The following L3MBTL4 variants were observed in gnomAD, a reference collection of about 807,000 sequenced individuals.
The protein encoded by L3MBTL4 is L3MBTL histone methyl-lysine binding protein 4, also known as lethal(3)malignant brain tumor-like protein 4.
In L3MBTL4, 70 loss-of-function variants were observed where a neutral mutation model predicts 84.5. The ratio of observed to expected loss-of-function variants is 0.83; its 90% CI spans 0.68 to 1.01. The LOEUF is 1.01. L3MBTL4 is among the 50% of genes least tolerant of loss of function. L3MBTL4 has a pLI of 0.00. For synonymous variants in L3MBTL4, 274 were observed against 259.8 expected, an observed-to-expected ratio of 1.05 and a Z score of -0.52; for missense variants, 715 against 754.8, an observed-to-expected ratio of 0.95 and a Z score of 0.62.
intron 16 of L3MBTL4, among the ~76,000 whole-genome samples, chr18:6,054,908 A>G (rs1450193823): frequency 6.6e-6 from 1 of 152,198 alleles, no homozygotes; most frequent in Non-Finnish European, 1.5e-5. Context: ...CTTTCCCTGA[A>G]GCTCAGCTTC....
chr18:6,351,563 T>TA (rs1227373080), intron 1 of L3MBTL4, among the ~76,000 whole-genome samples: 1 of 152,078 alleles, frequency 6.6e-6, no homozygotes, highest in Non-Finnish European at 1.5e-5. Context: ...TTTTTATTTT[T>TA]TTTTTTGAGA....
chr18:6,239,638 G>T, intron 9 of L3MBTL4, 80 bp downstream of exon 9: 2 of 1,416,364 alleles, frequency 1.4e-6, no homozygotes, highest in Non-Finnish European at 2.0e-6. Context: ...AGCAAAAACA[G>T]CAACAGTGCT....
intron 1 of L3MBTL4, among the ~76,000 whole-genome samples, chr18:6,383,430 C>A (rs1283184874): frequency 6.6e-6 from 1 of 152,134 alleles, no homozygotes; most frequent in Admixed American, 6.5e-5. Context: ...AAACTCAGGG[C>A]CCTGGTGGGG....
chr18:6,299,925 G>A (rs911211651), intron 4 of L3MBTL4, among the ~76,000 whole-genome samples: 3 of 152,062 alleles, frequency 2.0e-5, no homozygotes, highest in Non-Finnish European at 4.4e-5. Context: ...ACCCGCCTTG[G>A]TCTCCCAAAG....
chr18:6,122,539 C>G (rs1476301495), intron 14 of L3MBTL4, among the ~76,000 whole-genome samples: 8 of 152,318 alleles, frequency 5.3e-5, no homozygotes, highest in African/African-American at 1.7e-4. Flanking sequence ...TGCCTGCCAC[C>G]ATCCATGTAA....
At chr18:6,360,187 T>C (rs117577004) in intron 1 of L3MBTL4, among the ~76,000 whole-genome samples, 2,182 of 152,242 alleles carry the variant, frequency 0.014, 32 homozygotes, top group South Asian at 0.044. Context: ...CTGGGCTACA[T>C]AGTGAGACCC....
chr18:5,969,102 C>T (rs2052501774), intron 17 of L3MBTL4, among the ~76,000 whole-genome samples: 1 of 152,020 alleles, frequency 6.6e-6, no homozygotes, highest in Non-Finnish European at 1.5e-5. Context: ...GGCTTAAGCC[C>T]CTCTGCTTGA....
chr18:6,081,362 A>G (rs1056560851), intron 15 of L3MBTL4: 1 of 154,154 alleles, frequency 6.5e-6, no homozygotes, highest in Non-Finnish European at 1.4e-5. Context: ...ACAACTGTAT[A>G]AAGTAATTTA....
intron 17 of L3MBTL4, among the ~76,000 whole-genome samples, chr18:5,962,327 G>C (rs999054728): frequency 6.6e-6 from 1 of 152,128 alleles, no homozygotes; most frequent in Non-Finnish European, 1.5e-5. Context: ...GTGGATGTAC[G>C]GGGAAGAAAT....
intron 12 of L3MBTL4, among the ~76,000 whole-genome samples, chr18:6,206,522 G>T (rs912679122): frequency 9.9e-5 from 15 of 152,156 alleles, no homozygotes; most frequent in African/African-American, 1.7e-4. Flanking sequence ...GGGAGTTCTA[G>T]AGTAGGCGCC....
At chr18:6,253,848 T>C (rs1267403497) in intron 5 of L3MBTL4, among the ~76,000 whole-genome samples, 1 of 152,246 alleles carries the variant, frequency 6.6e-6, no homozygotes, top group Admixed American at 6.5e-5. Flanking sequence ...TTATGATCTT[T>C]ACCTGAGTTA....
intron 16 of L3MBTL4, among the ~76,000 whole-genome samples, chr18:6,035,855 T>G (rs1266211742): frequency 6.6e-6 from 1 of 152,116 alleles, no homozygotes; most frequent in African/African-American, 2.4e-5. Flanking sequence ...GATCCAAAAT[T>G]GACACCCTAA....
chr18:6,331,791 AG>A (rs1198378762), intron 1 of L3MBTL4, among the ~76,000 whole-genome samples: 1 of 152,148 alleles, frequency 6.6e-6, no homozygotes, highest in African/African-American at 2.4e-5. Context: ...ATGTCAAATA[AG>A]TTTACTTTTT....
chr18:6,054,329 T>C (rs1038835873), intron 16 of L3MBTL4, among the ~76,000 whole-genome samples: 2 of 152,108 alleles, frequency 1.3e-5, no homozygotes, highest in Non-Finnish European at 2.9e-5. Flanking sequence ...ACAGGCTCTG[T>C]AGTAAGACCT....
intron 16 of L3MBTL4, among the ~76,000 whole-genome samples, chr18:5,993,713 T>G (rs905853621): frequency 6.6e-6 from 1 of 152,174 alleles, no homozygotes; most frequent in African/African-American, 2.4e-5. Flanking sequence ...ACAATTATGT[T>G]GGTTATTTCA....
intron 1 of L3MBTL4, among the ~76,000 whole-genome samples, chr18:6,408,944 T>C (rs1053723596): frequency 6.6e-6 from 1 of 152,214 alleles, no homozygotes; most frequent in Non-Finnish European, 1.5e-5. Context: ...CCCAAAGTTC[T>C]GGGGTTACCG....
At chr18:6,168,623 T>C (rs971521072) in intron 13 of L3MBTL4, among the ~76,000 whole-genome samples, 2 of 152,148 alleles carry the variant, frequency 1.3e-5, no homozygotes, top group African/African-American at 4.8e-5. Context: ...TGGCTAGCCA[T>C]ATGTAGAAAG....
At chr18:6,220,528 C>T (rs1462912723) in intron 10 of L3MBTL4, among the ~76,000 whole-genome samples, 2 of 151,940 alleles carry the variant, frequency 1.3e-5, no homozygotes, top group African/African-American at 4.8e-5. Flanking sequence ...AGCCCCCCTC[C>T]CAAATGTATG....
chr18:6,065,046 G>T (rs1450641457), intron 16 of L3MBTL4, among the ~76,000 whole-genome samples: 1 of 151,688 alleles, frequency 6.6e-6, no homozygotes, highest in African/African-American at 2.4e-5. Context: ...TTTTTTGAGG[G>T]TTTTAGAATA....
Sources: allele counts gnomAD v4.1 joint callset (sites outside exome capture counted in the v4.1 genomes callset), GRCh38; gene constraint gnomAD v4.1.1; transcripts MANE v1.5; gene names NCBI Gene and HGNC (gene_info 2026-07-23, HGNC 2026-07-21).